STK40: variants seen among roughly 807,000 people sequenced by gnomAD.
STK40 encodes serine/threonine-protein kinase 40.
STK40 carries 13 observed loss-of-function variants against 47.9 expected under a neutral mutation model. The ratio of observed to expected loss-of-function variants is 0.27; its 90% CI spans 0.18 to 0.43. The LOEUF is 0.43. Among genes scored for constraint, STK40 ranks in the 20% least tolerant of loss-of-function variants. The pLI is 1.00. For synonymous variants in STK40, 225 were observed against 243.2 expected, an observed-to-expected ratio of 0.93 and a Z score of 0.69; for missense variants, 460 against 595.1, an observed-to-expected ratio of 0.77 and a Z score of 2.36.
At chr1:36,352,049 G>A (rs1023708685) in intron 6 of STK40, among the ~76,000 whole-genome samples, 1 of 152,244 alleles carries the variant, frequency 6.6e-6, no homozygotes, top group African/African-American at 2.4e-5. Flanking sequence ...GCCAGGGGAA[G>A]GGGCAGGACC....
At chr1:36,354,695 C>T (rs1303507388) in intron 5 of STK40, among the ~76,000 whole-genome samples, 7 of 152,134 alleles carry the variant, frequency 4.6e-5, no homozygotes, top group African/African-American at 1.7e-4. Context: ...GCGAAAGTCA[C>T]TCATTTTTTC....
chr1:36,358,066 A>C (rs1345097516), intron 4 of STK40, among the ~76,000 whole-genome samples, 173 bp downstream of exon 4: 2 of 152,158 alleles, frequency 1.3e-5, no homozygotes, highest in Non-Finnish European at 2.9e-5. Flanking sequence ...AGTGTGGCCC[A>C]GCCTGACTTC....
chr1:36,360,491 T>C (rs999173930), intron 2 of STK40, among the ~76,000 whole-genome samples: 1 of 151,938 alleles, frequency 6.6e-6, no homozygotes, highest in Non-Finnish European at 1.5e-5. Context: ...GTGCCTTGGA[T>C]GATAGATCTT....
Position 36,359,209 on chromosome 1 carries a change from C to A in STK40, c.113-387G>T, listed in dbSNP as rs1646830958. Among the ~76,000 whole-genome samples, 3 of 152,164 alleles carry A rather than the reference C, an allele frequency of 2.0e-5. No homozygotes were observed. The South Asian group carries it at 6.2e-4, about 31-fold the overall frequency. Reference sequence around the variant, plus strand: ...ACTGCTTGAGCCCAGGAGTTTGAGACCAGCCTGGGCAACACAGTGAGACTT... The same window carrying A: ...ACTGCTTGAGCCCAGGAGTTTGAGAACAGCCTGGGCAACACAGTGAGACTT... On this transcript the variant is annotated intron_variant, in intron 2 of 10. Coordinates refer to ENST00000373132, the MANE Select transcript of STK40 (RefSeq NM_001282547.2).
intron 1 of STK40, among the ~76,000 whole-genome samples, chr1:36,380,249 G>A (rs546327539): frequency 1.3e-5 from 2 of 152,244 alleles, no homozygotes; most frequent in East Asian, 1.9e-4. Flanking sequence ...TCATTTTCTC[G>A]TTTACTTTCT....
At chr1:36,376,310 C>T (rs1383654320) in intron 1 of STK40, among the ~76,000 whole-genome samples, 7 of 152,108 alleles carry the variant, frequency 4.6e-5, no homozygotes, top group Admixed American at 3.9e-4. Context: ...ATGTAGGTCT[C>T]GAGAAGGGTC....
chr1:36,361,448 C>T lies in STK40; in HGVS notation c.-8-108G>A, dbSNP rs1646851604. On this transcript the variant is annotated intron_variant, in intron 1 of 10. Coordinates refer to ENST00000373132, the MANE Select transcript of STK40 (RefSeq NM_001282547.2). ...GGGATGCATCACACAGCTGCCGCTG[C>T]TGCCTCCAACTCCTCCTGCTACCAG... The T allele has an allele frequency of 3.3e-6, 5 of 1,525,908 alleles. No homozygotes were observed. In the Admixed American group the frequency reaches 8.3e-5, roughly 25 times the overall value. The allele number at this position is 1,525,908 out of a possible 1,614,324, so 94.5% of individuals were successfully genotyped here.
rs1279691467 is a variant in STK40, at chr1:36,358,708, A to G, written c.198+29T>C. 1.9e-6 allele frequency: 3 copies of G among 1,612,014 alleles called. No homozygotes were observed. The Admixed American group carries it at 5.0e-5, about 27-fold the overall frequency. On this transcript the variant is annotated intron_variant, in intron 3 of 10. Coordinates refer to ENST00000373132, the MANE Select transcript of STK40 (RefSeq NM_001282547.2). ...GTTGGCATGACAGGCCCTGTTCCTG[A>G]GGCACCCTCACCCCCATGTCTCACT...
intron 2 of STK40, among the ~76,000 whole-genome samples, chr1:36,360,365 G>A (rs1646840920): frequency 6.6e-6 from 1 of 152,146 alleles, no homozygotes; most frequent in Non-Finnish European, 1.5e-5. Flanking sequence ...ATGCTTTGCT[G>A]CTCCTCTGGC....
intron 2 of STK40, among the ~76,000 whole-genome samples, chr1:36,360,280 A>G (rs942723854): frequency 1.3e-5 from 2 of 152,130 alleles, no homozygotes; most frequent in Non-Finnish European, 2.9e-5. Flanking sequence ...CCCAAAGTAA[A>G]ACTCACGCCC....
intron 1 of STK40, among the ~76,000 whole-genome samples, chr1:36,384,746 C>T (rs576884075): frequency 6.6e-6 from 1 of 152,348 alleles, no homozygotes; most frequent in South Asian, 2.1e-4. Flanking sequence ...CAACCAACAA[C>T]TTGCACAGCA....
chr1:36,372,712 G>A (rs1646960170), intron 1 of STK40: 2 of 152,240 alleles, frequency 1.3e-5, no homozygotes, highest in Admixed American at 1.3e-4. Flanking sequence ...GGTGAGCAGG[G>A]AGGGAGAGAG....
At chr1:36,358,699 C>T in intron 3 of STK40, 38 bp downstream of exon 3, 1 of 1,608,788 alleles carries the variant, frequency 6.2e-7, no homozygotes, top group Non-Finnish European at 8.5e-7. Context: ...ATGACAGGCC[C>T]TGTTCCTGAG....
At chr1:36,371,685 CAAAAA>C (rs57138983) in intron 1 of STK40, among the ~76,000 whole-genome samples, 2 of 27,972 alleles carry the variant, frequency 7.2e-5, no homozygotes, top group African/African-American at 2.3e-4. Context: ...ACCCTGTCTC[CAAAAA>C]AAAAAAAAAA....
At chr1:36,350,123 G>A (rs189194834) in intron 6 of STK40, among the ~76,000 whole-genome samples, 9 of 152,332 alleles carry the variant, frequency 5.9e-5, no homozygotes, top group African/African-American at 1.9e-4. Context: ...GATTCCCCAC[G>A]GAAACGCCAA....
At chr1:36,362,113 A>T (rs1557516053) in intron 1 of STK40, among the ~76,000 whole-genome samples, 1 of 152,228 alleles carries the variant, frequency 6.6e-6, no homozygotes, top group African/African-American at 2.4e-5. Context: ...TTTGCCTGAT[A>T]ATCCCGAGAT....
rs929105080 is a variant in STK40 at position 36,364,833 on chromosome 1, A to T, written c.-8-3493T>A. On this transcript the variant is annotated intron_variant, in intron 1 of 10. Coordinates refer to ENST00000373132, the MANE Select transcript of STK40 (RefSeq NM_001282547.2). The stretch of plus-strand genomic sequence containing the variant: ...CATTTACATTTTTTAAATTAAAATT[A>T]AAAATAAGGTTGACTTTTTATGTAG... Among the ~76,000 whole-genome samples, 5 of 152,102 alleles carry T rather than the reference A, an allele frequency of 3.3e-5. No homozygotes were observed. In the East Asian group the frequency reaches 9.6e-4, roughly 29 times the overall value.
chr1:36,344,287 C>T (rs893068913), intron 7 of STK40, 23 bp from the exon 8 acceptor site: 8 of 1,570,264 alleles, frequency 5.1e-6, no homozygotes, highest in Non-Finnish European at 6.9e-6. Context: ...ACATACCACA[C>T]TGTCTTCAGG....
chr1:36,341,956 C>G lies in STK40; in HGVS notation c.1107G>C (p.Glu369Asp). ...AGTTCTCAAACTCGTACTGGGAGCACTCCTCCGTCACCTTCGCCTTTGAGG... is the reference window on the plus strand; with the variant it reads ...AGTTCTCAAACTCGTACTGGGAGCAGTCCTCCGTCACCTTCGCCTTTGAGG... ...DSSQEAKVTE[E>D]CSQYEFENYM... is the part of the protein sequence containing the mutation. The change falls in exon 11 of 11, where the codon GAG (glutamate) becomes GAC (aspartate). Residue 369 changes from glutamate (E) to aspartate (D), a missense_variant. By Grantham distance (45) the Glu-to-Asp change is conservative (BLOSUM62 2). Around this residue, in one of 3 missense-constraint regions of STK40, gnomAD observed 181 missense variants for 218.9 expected, o/e 0.83. Coordinates refer to ENST00000373132, the MANE Select transcript of STK40 (RefSeq NM_001282547.2). The G allele has an allele frequency of 6.2e-7, 1 of 1,613,640 alleles. No homozygotes were observed. The highest frequency in any genetic ancestry group is 1.3e-5 in the African/African-American group (1 of 75,062).
Sources: allele counts gnomAD v4.1 joint callset (sites outside exome capture counted in the v4.1 genomes callset), GRCh38; gene constraint gnomAD v4.1.1; regional missense constraint gnomAD v4.1.1; transcripts MANE v1.5; gene names NCBI Gene and HGNC (gene_info 2026-07-23, HGNC 2026-07-21).